MAPRE2: variants seen among roughly 807,000 people sequenced by gnomAD.
The protein encoded by MAPRE2 is microtubule-associated protein RP/EB family member 2.
MAPRE2 carries 13 observed loss-of-function variants against 43.2 expected under a neutral mutation model. The observed-to-expected ratio is 0.30, with a 90% CI of 0.20 to 0.48. The LOEUF is 0.48. Ranked by LOEUF, MAPRE2 falls within the 20% of genes least tolerant of loss-of-function variation. The pLI is 0.99. For missense variants in MAPRE2, 161 were observed against 400.2 expected (o/e 0.40, Z 5.10); for synonymous variants, 135 against 148.8 (o/e 0.91, Z 0.68).
chr18:35,053,210 A>G (rs1325173936), intron 1 of MAPRE2, among the ~76,000 whole-genome samples: 2 of 152,208 alleles, frequency 1.3e-5, no homozygotes, highest in Middle Eastern at 3.4e-3. Flanking sequence ...CCTGGCCAAC[A>G]TGGTGAAACC....
intron 2 of MAPRE2, among the ~76,000 whole-genome samples, chr18:35,096,508 CA>C (rs916976382): frequency 6.6e-6 from 1 of 152,038 alleles, no homozygotes; most frequent in Non-Finnish European, 1.5e-5. Context: ...TATATTTTTT[CA>C]AAAGTCCCCT....
intron 2 of MAPRE2, among the ~76,000 whole-genome samples, chr18:35,081,291 A>T (rs685912): frequency 0.38 from 57,804 of 152,036 alleles, 15,497 homozygotes; most frequent in African/African-American, 0.75. Context: ...GCATTCTTCA[A>T]ACTGATTTGG....
intron 4 of MAPRE2, among the ~76,000 whole-genome samples, chr18:35,120,878 C>T (rs1909636460): frequency 6.6e-6 from 1 of 152,114 alleles, no homozygotes; most frequent in Admixed American, 6.6e-5. Context: ...GGGTTTTCTT[C>T]AATTGAGTGA....
intron 2 of MAPRE2, among the ~76,000 whole-genome samples, chr18:35,035,066 T>C (rs1358736711): frequency 2.6e-5 from 4 of 152,012 alleles, no homozygotes; most frequent in Non-Finnish European, 5.9e-5. Flanking sequence ...TGCACACGTA[T>C]GTTTATTGCG....
intron 5 of MAPRE2, among the ~76,000 whole-genome samples, chr18:35,130,625 G>T (rs981274571): frequency 4.6e-5 from 7 of 152,152 alleles, no homozygotes; most frequent in East Asian, 3.9e-4. Context: ...TCTATTAGGG[G>T]TGATTTTTAA....
chr18:34,978,394 A>G, intron 1 of MAPRE2: 3 of 870,110 alleles, frequency 3.4e-6, no homozygotes, highest in East Asian at 2.6e-5. Context: ...CCGCGCTGCG[A>G]GGCGGAGGTT....
intron 2 of MAPRE2, among the ~76,000 whole-genome samples, chr18:35,075,360 T>C (rs1164070445): frequency 1.3e-5 from 2 of 152,150 alleles, no homozygotes; most frequent in African/African-American, 4.8e-5. Context: ...TCGTGTGTTG[T>C]CCCTGTGCCT....
At chr18:34,977,938 C>A (rs1447238889) in intron 1 of MAPRE2, among the ~76,000 whole-genome samples, 1 of 152,162 alleles carries the variant, frequency 6.6e-6, no homozygotes, top group African/African-American at 2.4e-5. Context: ...GATTTTCAGA[C>A]CCCAAAAGGG....
chr18:35,106,357 T>TTC (rs3837891), intron 4 of MAPRE2, among the ~76,000 whole-genome samples: 1 of 151,684 alleles, frequency 6.6e-6, no homozygotes, highest in East Asian at 1.9e-4. Context: ...AAAATTAGCT[T>TTC]ATGTCCTAAC....
intron 1 of MAPRE2, among the ~76,000 whole-genome samples, chr18:35,056,895 G>T (rs558072446): frequency 1.1e-4 from 17 of 152,130 alleles, no homozygotes; most frequent in African/African-American, 4.1e-4. Context: ...GCTCCTGTAA[G>T]TCCTCATAGC....
chr18:34,986,475 C>G (rs1056417681), intron 1 of MAPRE2, among the ~76,000 whole-genome samples: 11 of 152,284 alleles, frequency 7.2e-5, no homozygotes, highest in African/African-American at 2.6e-4. Context: ...CCACCTGGTT[C>G]TTCCCGGGAA....
intron 2 of MAPRE2, among the ~76,000 whole-genome samples, chr18:35,025,232 C>G (rs753279931): frequency 7.9e-5 from 12 of 152,172 alleles, no homozygotes; most frequent in Admixed American, 7.9e-4. Context: ...GAATGATTTA[C>G]TTTACCCAGA....
intron 2 of MAPRE2, among the ~76,000 whole-genome samples, chr18:35,095,231 A>G (rs1435969223): frequency 2.0e-5 from 3 of 152,190 alleles, no homozygotes; most frequent in South Asian, 2.1e-4. Context: ...TAAGAAAGCC[A>G]TTAAAAATAT....
At chr18:34,989,747 G>A (rs567865049) in intron 1 of MAPRE2, among the ~76,000 whole-genome samples, 1 of 151,770 alleles carries the variant, frequency 6.6e-6, no homozygotes, top group South Asian at 2.1e-4. Context: ...GTGGTCCATT[G>A]ACCAGTGGCA....
At chr18:35,077,108 G>A (rs1195737900) in intron 2 of MAPRE2, among the ~76,000 whole-genome samples, 2 of 152,198 alleles carry the variant, frequency 1.3e-5, no homozygotes, top group Non-Finnish European at 2.9e-5. Flanking sequence ...CAAGGAACAT[G>A]TGATCACAGT....
intron 1 of MAPRE2, chr18:34,978,691 GC>G (rs1222808036): frequency 1.3e-6 from 1 of 752,190 alleles, no homozygotes; most frequent in Non-Finnish European, 2.3e-6. Flanking sequence ...GTTCTTTTCT[GC>G]CAAACTGATT....
chr18:35,019,630 T>C (rs2097040710), intron 2 of MAPRE2, among the ~76,000 whole-genome samples: 1 of 152,084 alleles, frequency 6.6e-6, no homozygotes, highest in Admixed American at 6.6e-5. Flanking sequence ...TTCATGATTG[T>C]AGACATGTTT....
At chr18:35,122,532 A>G (rs1394704662) in intron 4 of MAPRE2, among the ~76,000 whole-genome samples, 1 of 152,230 alleles carries the variant, frequency 6.6e-6, no homozygotes, top group East Asian at 1.9e-4. Flanking sequence ...CTCATTTTAA[A>G]TATCAAATAC....
intron 1 of MAPRE2, among the ~76,000 whole-genome samples, chr18:34,990,396 C>T (rs2097023164): frequency 6.6e-6 from 1 of 152,202 alleles, no homozygotes; most frequent in Middle Eastern, 3.4e-3. Context: ...GAACAGAATG[C>T]TTGTCTGACA....
Sources: gnomAD v4.1 joint callset for allele counts (sites outside exome capture counted in the v4.1 genomes callset) on GRCh38, gnomAD v4.1.1 for gene constraint, MANE v1.5 for transcripts, NCBI Gene and HGNC (gene_info 2026-07-23, HGNC 2026-07-21) for gene names.